Variants in ATRX observed in about 807,000 individuals in gnomAD.
The protein encoded by ATRX is ATRX chromatin remodeler, also known as chromatin remodeler ATRX.
ATRX carries 12 observed loss-of-function variants against 172.6 expected under a neutral mutation model. That is an observed-to-expected ratio of 0.07 (90% confidence interval 0.04 to 0.11). The LOEUF is 0.11. ATRX is among the 10% of genes least tolerant of loss of function. The pLI, the probability that ATRX is intolerant of heterozygous loss-of-function variation, is 1.00. For synonymous variants in ATRX, 674 were observed against 594.7 expected, an observed-to-expected ratio of 1.13 and a Z score of -1.94; for missense variants, 1,368 against 1,767.4, an observed-to-expected ratio of 0.77 and a Z score of 4.05.
chrX:77,523,459 T>C, intron 30 of ATRX, 58 bp from the exon 31 acceptor site: 2 of 1,093,609 alleles, frequency 1.8e-6, no homozygotes, highest in Non-Finnish European at 2.5e-6. Flanking sequence ...CAGTATAATA[T>C]CTCCATAGTT....
chrX:77,627,920 C>T (rs1430365152), intron 19 of ATRX, among the ~76,000 whole-genome samples: 13 of 110,940 alleles, frequency 1.2e-4, no homozygotes, highest in African/African-American at 4.3e-4. Flanking sequence ...TGTTTGTTAC[C>T]TTATATACTT....
At position 77,570,372 on chromosome X, in the gene ATRX, G is replaced by A. The variant is rs45530136; in HGVS notation, c.6326+3878C>T. On this transcript the variant is annotated intron_variant, in intron 28 of 34. Coordinates refer to ENST00000373344, the MANE Select transcript of ATRX (RefSeq NM_000489.6). ...TTTTTTTTTTTAGAGACAGGGTCTC[G>A]CTGTGATGCTCAGGCTGGTCTTGAA... is the stretch of plus-strand genomic sequence containing the variant. 3.0e-3 allele frequency among the ~76,000 whole-genome samples: 326 copies of A among 107,650 alleles called. 2 individuals are homozygous for A. Among genetic ancestry groups the A allele is most frequent in the African/African-American group, 0.011 (311 of 29,473 alleles). 93.5% of individuals were successfully genotyped at this position (107,650 alleles called of 115,157 possible). A position where few individuals can be genotyped will look rare whatever the true frequency, so the allele number is the denominator to read the frequency against.
intron 25 of ATRX, 153 bp from the exon 26 acceptor site, chrX:77,594,002 C>T (rs908274169): frequency 4.6e-5 from 22 of 475,396 alleles, no homozygotes; most frequent in South Asian, 2.4e-4. Context: ...GGCAGGCACA[C>T]GCACATACAG....
chrX:77,565,537 CAAG>C (rs781798832), intron 28 of ATRX, among the ~76,000 whole-genome samples: 6 of 111,600 alleles, frequency 5.4e-5, no homozygotes, highest in South Asian at 3.7e-4. Context: ...AGCAAAGAAA[CAAG>C]AAGACATAAA....
chrX:77,644,385 AT>A (rs1336371923), intron 15 of ATRX, among the ~76,000 whole-genome samples: 2 of 112,639 alleles, frequency 1.8e-5, no homozygotes. Flanking sequence ...ATTTATATAT[AT>A]TTTAAAATCC....
intron 1 of ATRX, among the ~76,000 whole-genome samples, chrX:77,774,594 G>A (rs962828809): frequency 2.7e-5 from 3 of 109,862 alleles, no homozygotes; most frequent in East Asian, 5.8e-4. Context: ...GGAGAATGGC[G>A]TGAACCCAGC....
intron 14 of ATRX, among the ~76,000 whole-genome samples, chrX:77,653,783 T>G (rs1471394774): frequency 1.8e-5 from 2 of 111,727 alleles, no homozygotes; most frequent in African/African-American, 6.5e-5. Context: ...GAGAAGAAAT[T>G]TATTCATATA....
At chrX:77,559,106 G>A (rs1301450163) in intron 28 of ATRX, among the ~76,000 whole-genome samples, 1 of 111,204 alleles carries the variant, frequency 9.0e-6, no homozygotes, top group Non-Finnish European at 1.9e-5. Flanking sequence ...TATTTACAAT[G>A]TAGTCAAGGT....
chrX:77,568,940 G>T (rs782695941), intron 28 of ATRX, among the ~76,000 whole-genome samples: 1 of 111,034 alleles, frequency 9.0e-6, no homozygotes, highest in South Asian at 3.8e-4. Context: ...AGAATAGAGG[G>T]GAACCACCTC....
intron 12 of ATRX, among the ~76,000 whole-genome samples, chrX:77,662,723 C>T (rs955491544): frequency 3.9e-4 from 43 of 110,347 alleles, no homozygotes; most frequent in African/African-American, 1.2e-3. Flanking sequence ...GAAAGAGTCT[C>T]GCTCTGCCGC....
chrX:77,655,336 A>G (rs1322856471), intron 13 of ATRX, among the ~76,000 whole-genome samples: 2 of 111,360 alleles, frequency 1.8e-5, no homozygotes, highest in African/African-American at 6.5e-5. Context: ...TGTGCATTTT[A>G]CCACTATTAA....
chrX:77,704,755 C>A (rs1345111621), intron 2 of ATRX, among the ~76,000 whole-genome samples: 1 of 112,315 alleles, frequency 8.9e-6, no homozygotes, highest in Non-Finnish European at 1.9e-5. Context: ...AGGCTCGGCC[C>A]CAACTTTGCC....
intron 12 of ATRX, among the ~76,000 whole-genome samples, chrX:77,658,994 T>G (rs1286310624): frequency 9.0e-6 from 1 of 111,712 alleles, no homozygotes; most frequent in Non-Finnish European, 1.9e-5. Context: ...TGAGAGAACA[T>G]AAATGCTAAC....
chrX:77,635,711 T>A (rs1348717327), intron 16 of ATRX, among the ~76,000 whole-genome samples: 11 of 112,266 alleles, frequency 9.8e-5, no homozygotes, highest in Non-Finnish European at 5.6e-5. Context: ...TTTCTCTTTT[T>A]ATAACGCTCA....
At chrX:77,640,020 T>C (rs970075533) in intron 15 of ATRX, among the ~76,000 whole-genome samples, 4 of 112,187 alleles carry the variant, frequency 3.6e-5, no homozygotes, top group Non-Finnish European at 5.6e-5. Context: ...GAAAATCATG[T>C]CCTCTACAGC....
intron 30 of ATRX, among the ~76,000 whole-genome samples, chrX:77,531,812 T>C (rs1339396104): frequency 9.0e-6 from 1 of 111,544 alleles, no homozygotes; most frequent in Non-Finnish European, 1.9e-5. Context: ...AAATAAAGTA[T>C]ATTCAAATAG....
chrX:77,520,753 A>G (rs781914060), intron 34 of ATRX, 35 bp downstream of exon 34: 1 of 1,194,237 alleles, frequency 8.4e-7, no homozygotes. Flanking sequence ...AAAATTAAAC[A>G]TAACCTAGAA....
At chrX:77,601,855 T>C (rs1011088816) in intron 22 of ATRX, among the ~76,000 whole-genome samples, 3 of 112,106 alleles carry the variant, frequency 2.7e-5, no homozygotes, top group Non-Finnish European at 3.8e-5. Context: ...GTTATTTCCA[T>C]TGTGTAACAG....
At chrX:77,582,062 T>C (rs1278498699) in intron 27 of ATRX, among the ~76,000 whole-genome samples, 2 of 110,957 alleles carry the variant, frequency 1.8e-5, no homozygotes, top group Non-Finnish European at 1.9e-5. Context: ...TAAATGCCTA[T>C]ATCAAAAAAG....
Sources: allele counts gnomAD v4.1 joint callset (sites outside exome capture counted in the v4.1 genomes callset), GRCh38; gene constraint gnomAD v4.1.1; transcripts MANE v1.5; gene names NCBI Gene and HGNC (gene_info 2026-07-23, HGNC 2026-07-21).